The following TGM4 variants were observed in gnomAD, a reference collection of about 807,000 sequenced individuals.
TGM4 encodes the protein protein-glutamine gamma-glutamyltransferase 4.
A neutral mutation model predicts 76.3 loss-of-function variants in TGM4; 61 were observed. The ratio of observed to expected loss-of-function variants is 0.80; its 90% CI spans 0.65 to 0.99. The LOEUF is 0.99. TGM4 is among the 50% of genes least tolerant of loss of function. The probability of loss-of-function intolerance (pLI) is 0.00; values close to 1 mark genes in which losing one functional copy is unlikely to be tolerated. For missense variants in TGM4, 794 were observed against 843.2 expected (o/e 0.94, Z 0.72); for synonymous variants, 337 against 329.8 (o/e 1.02, Z -0.24).
chr3:44,894,531 T>C (rs1575719319), intron 5 of TGM4, among the ~76,000 whole-genome samples: 1 of 137,782 alleles, frequency 7.3e-6, no homozygotes, highest in African/African-American at 2.8e-5. Context: ...AGAGGGAGAG[T>C]TTTTTAGAGA....
At position 44,893,546 on chromosome 3, in the gene TGM4, T is replaced by A. The variant is rs749469012; in HGVS notation, c.431-31T>A. 6 of 1,592,672 alleles carry A rather than the reference T, an allele frequency of 3.8e-6. No individual in the cohort carries two copies. In the South Asian group the frequency reaches 5.5e-5, roughly 15 times the overall value. The stretch of plus-strand genomic sequence containing the variant: ...CCTGCTCCTGTCCCAGGGCAGAATA[T>A]AACCTCTGTGGATGTGTGGTCTTGC... On this transcript the variant is annotated intron_variant, in intron 4 of 13. Coordinates refer to ENST00000296125, the MANE Select transcript of TGM4 (RefSeq NM_003241.4).
chr3:44,887,996 C>T, intron 3 of TGM4: 1 of 579,668 alleles, frequency 1.7e-6, no homozygotes, highest in Non-Finnish European at 3.1e-6. Context: ...ATCGCTGTGG[C>T]CAAACCTCCT....
At chr3:44,901,735 C>T (rs768725749) in intron 7 of TGM4, 37 bp downstream of exon 7, 2 of 1,612,850 alleles carry the variant, frequency 1.2e-6, no homozygotes, top group South Asian at 2.2e-5. Context: ...GGAGAGGTCC[C>T]AAGGGAGGGA....
intron 6 of TGM4, among the ~76,000 whole-genome samples, 168 bp from the exon 7 acceptor site, chr3:44,901,356 G>A (rs1298433301): frequency 6.6e-6 from 1 of 152,222 alleles, no homozygotes; most frequent in Non-Finnish European, 1.5e-5. Context: ...CAGCTGGCAT[G>A]CTCCTTGGCC....
chr3:44,896,237 G>A (rs1699776407), intron 5 of TGM4, among the ~76,000 whole-genome samples: 2 of 152,152 alleles, frequency 1.3e-5, no homozygotes, highest in East Asian at 1.9e-4. Flanking sequence ...TCAGCTTCCC[G>A]AGTAGCTGGG....
chr3:44,900,482 T>G (rs538765515), intron 6 of TGM4, among the ~76,000 whole-genome samples: 19 of 152,344 alleles, frequency 1.2e-4, no homozygotes, highest in African/African-American at 4.6e-4. Context: ...TCTTGTAAAT[T>G]AAAACTGAAC....
intron 9 of TGM4, 65 bp downstream of exon 9, chr3:44,904,052 T>G (rs1052492834): frequency 2.0e-5 from 29 of 1,422,154 alleles, no homozygotes; most frequent in Non-Finnish European, 2.8e-5. Flanking sequence ...CAGGGTTCTG[T>G]GGGTCTTGGG....
intron 6 of TGM4, among the ~76,000 whole-genome samples, chr3:44,898,487 T>G (rs1423510629): frequency 1.3e-5 from 2 of 152,206 alleles, no homozygotes; most frequent in African/African-American, 4.8e-5. Context: ...GGGATTATTA[T>G]GCAAGTAGTT....
intron 3 of TGM4, 146 bp from the exon 4 acceptor site, chr3:44,890,457 G>A (rs1337545761): frequency 5.9e-6 from 7 of 1,176,716 alleles, no homozygotes; most frequent in African/African-American, 1.5e-5. Context: ...GCTCCTGGCT[G>A]TCCAGGGTCC....
chr3:44,883,897 G>A (rs1052858718), intron 1 of TGM4, among the ~76,000 whole-genome samples: 1 of 152,226 alleles, frequency 6.6e-6, no homozygotes. Context: ...GATCTCTGCA[G>A]AGGATGGGTT....
intron 6 of TGM4, among the ~76,000 whole-genome samples, chr3:44,897,482 C>T (rs914921858): frequency 3.9e-5 from 6 of 152,206 alleles, no homozygotes; most frequent in Non-Finnish European, 5.9e-5. Context: ...TTGCAGTTCA[C>T]TTGGGACTTT....
chr3:44,887,681 G>A lies in TGM4; in HGVS notation c.194-8G>A. Reference sequence around the variant, plus strand: ...GCTGGGCCAATGTTTTCCTTTGGGTGTCTCCAGGGCCGAATCCTAGCATCG... The same window carrying A: ...GCTGGGCCAATGTTTTCCTTTGGGTATCTCCAGGGCCGAATCCTAGCATCG... On this transcript the variant is annotated splice_region_variant and splice_polypyrimidine_tract_variant and intron_variant, in intron 2 of 13. Transcript: ENST00000296125. 1 of 1,613,144 alleles carries A rather than the reference G, an allele frequency of 6.2e-7. No individual in the cohort carries two copies. Among genetic ancestry groups the A allele is most frequent in the Non-Finnish European group, 8.5e-7 (1 of 1,179,498 alleles).
chr3:44,886,354 A>G (rs1370486774), intron 2 of TGM4, among the ~76,000 whole-genome samples: 1 of 152,098 alleles, frequency 6.6e-6, no homozygotes, highest in African/African-American at 2.4e-5. Context: ...AAAAAATTAG[A>G]TCAGGTAGAT....
intron 1 of TGM4, among the ~76,000 whole-genome samples, chr3:44,880,821 G>A (rs1699522215): frequency 6.6e-6 from 1 of 151,872 alleles, no homozygotes; most frequent in African/African-American, 2.4e-5. Context: ...TTTGCAAGAG[G>A]GACAAAAGCA....
In TGM4 at chr3:44,910,330, T is replaced by C. The variant is rs751772331; in HGVS notation, c.1568T>C (p.Leu523Pro). The C allele has an allele frequency of 2.5e-6, 4 of 1,614,132 alleles. No individual in the cohort carries two copies. The highest frequency in any genetic ancestry group is 2.2e-5 in the South Asian group (2 of 91,078). The change falls in exon 11 of 14, where the codon CTG (leucine) becomes CCG (proline). Residue 523 changes from leucine to proline, a missense_variant. By Grantham distance (98) the Leu-to-Pro change is moderately conservative (BLOSUM62 -3). Coordinates refer to ENST00000296125, the MANE Select transcript of TGM4 (RefSeq NM_003241.4). ...QLYTGKKMAK[L>P]CDLNKTSQIQ... ...TACACTGGCAAGAAGATGGCAAAAC[T>C]GTGTGACCTCAATAAGACCTCGCAG...
In TGM4 at chr3:44,906,352, T is replaced by G. The variant is rs548749059; in HGVS notation, c.1076-597T>G. Among the ~76,000 whole-genome samples, 3 of 152,286 alleles carry G rather than the reference T, an allele frequency of 2.0e-5. No homozygotes were observed. In the South Asian group the frequency reaches 6.2e-4, roughly 32 times the overall value. On this transcript the variant is annotated intron_variant, in intron 9 of 13. Transcript: ENST00000296125. Reference sequence around the variant, plus strand: ...TTGTCAATGACTAATAAGGGAACTCTCTATCCCCATGCTAGAAATAAAAAG... The same window carrying G: ...TTGTCAATGACTAATAAGGGAACTCGCTATCCCCATGCTAGAAATAAAAAG...
intron 2 of TGM4, among the ~76,000 whole-genome samples, chr3:44,887,456 A>G (rs1453798100): frequency 1.3e-5 from 2 of 152,180 alleles, no homozygotes; most frequent in African/African-American, 4.8e-5. Context: ...GTAAAAAGGG[A>G]GGACGTGGAG....
chr3:44,909,994 T>A, intron 10 of TGM4, 96 bp from the exon 11 acceptor site: 1 of 1,441,242 alleles, frequency 6.9e-7, no homozygotes, highest in Non-Finnish European at 9.4e-7. Context: ...TCTGGAGTCC[T>A]GGCCAGGCAG....
rs778153231 is a variant in TGM4, at chr3:44,913,562, C to T, written c.1914-22C>T. ...TAACATCCTTGGCTGATTGTATGTC[C>T]GTATGTCTTTGAATTTTCCAGGACG... On this transcript the variant is annotated intron_variant, in intron 13 of 13. Transcript: ENST00000296125. 1.8e-5 allele frequency: 29 copies of T among 1,607,360 alleles called. No individual in the cohort carries two copies. The East Asian group carries it at 3.1e-4, about 17-fold the overall frequency.
Sources: allele counts gnomAD v4.1 joint callset (sites outside exome capture counted in the v4.1 genomes callset), GRCh38; gene constraint gnomAD v4.1.1; transcripts MANE v1.5; gene names NCBI Gene and HGNC (gene_info 2026-07-23, HGNC 2026-07-21).